Variants in MCAM observed in about 807,000 individuals in gnomAD.
MCAM encodes the protein melanoma cell adhesion molecule, also known as cell surface glycoprotein MUC18.
A neutral mutation model predicts 79.1 loss-of-function variants in MCAM; 55 were observed. That is an observed-to-expected ratio of 0.70 (90% CI 0.56 to 0.87). MCAM has a LOEUF of 0.87. Ranked by LOEUF, MCAM falls within the 40% of genes least tolerant of loss-of-function variation. The probability of loss-of-function intolerance (pLI) is 0.00; values close to 1 mark genes in which losing one functional copy is unlikely to be tolerated. For missense variants in MCAM, 745 were observed against 839.8 expected, an observed-to-expected ratio of 0.89 and a Z score of 1.40; for synonymous variants, 330 against 339.8, an observed-to-expected ratio of 0.97 and a Z score of 0.32.
Position 119,308,800 on chromosome 11 carries a change from C to T in MCAM, c.*1086G>A, listed in dbSNP as rs1016367794. On this transcript the variant is annotated 3_prime_UTR_variant, in exon 16 of 16. Coordinates refer to ENST00000264036, the MANE Select transcript of MCAM (RefSeq NM_006500.3). ...AAGTTTGGTGCTAATATAACCATAG[C>T]TTTAATCCCCATGAAGGACAGTGTA... 6.6e-6 allele frequency: 1 copy of T among 152,052 alleles called. No individual in the cohort carries two copies. The highest frequency in any genetic ancestry group is 2.4e-5 in the African/African-American group (1 of 41,372). 9.4% of individuals were successfully genotyped at this position (152,052 alleles called of 1,614,324 possible). A position where few individuals can be genotyped will look rare whatever the true frequency, so the allele number is the denominator to read the frequency against.
Position 119,310,442 on chromosome 11 carries a change from G to A in MCAM, c.1818C>T (p.Ser606=), listed in dbSNP as rs779569469. ...CTGACTTAACTTCAACTACAAGTTC[G>A]CTCTTACGAGACGGGGGTAGCGTGC... is the stretch of plus-strand genomic sequence containing the variant. The part of the protein sequence containing the change: ...QEITLPPSRK[S]ELVVEVKSDK... The change falls in exon 15 of 16, where the codon AGC becomes AGT. Residue 606 remains serine (S), a synonymous_variant. Coordinates refer to ENST00000264036, the MANE Select transcript of MCAM (RefSeq NM_006500.3). 3.6e-5 allele frequency: 58 copies of A among 1,613,320 alleles called. 1 individual carries two copies. Among genetic ancestry groups the A allele is most frequent in the South Asian group, 1.8e-4 (16 of 91,078 alleles).
Position 119,316,867 on chromosome 11 carries a change from C to T in MCAM, c.67+168G>A. 1.7e-6 allele frequency: 1 copy of T among 571,466 alleles called. No individual in the cohort carries two copies. The highest frequency in any genetic ancestry group is 3.0e-6 in the Non-Finnish European group (1 of 331,496). The allele number at this position is 571,466 out of a possible 1,614,324, so 35.4% of individuals were successfully genotyped here. A position where few individuals can be genotyped will look rare whatever the true frequency, so the allele number is the denominator to read the frequency against. On this transcript the variant is annotated intron_variant, in intron 1 of 15. Transcript: ENST00000264036. The surrounding 1 kb of genome is among the most constrained non-coding windows in gnomAD (Gnocchi z 4.8). ...TAGAATCCCGGCTGCAAACTGGCTG[C>T]AAAGAAGAGTTGCTCGCGCGCAAGG...
At position 119,312,651 on chromosome 11, in the gene MCAM, G is replaced by A; in HGVS notation, c.740-3C>T. On this transcript the variant is annotated splice_polypyrimidine_tract_variant and splice_region_variant and intron_variant, in intron 6 of 15. Coordinates refer to ENST00000264036, the MANE Select transcript of MCAM (RefSeq NM_006500.3). This position sits in a 1 kb window ranked among gnomAD's most constrained non-coding sequence, Gnocchi z 4.9. Reference sequence around the variant, plus strand: ...CAGCCACACTTTTTCTGTCGGGTCTGCATAGGCAAAGGGGGTAGCTCTTGG... The same window carrying A: ...CAGCCACACTTTTTCTGTCGGGTCTACATAGGCAAAGGGGGTAGCTCTTGG... 1 of 1,614,134 alleles carries A rather than the reference G, an allele frequency of 6.2e-7. No homozygotes were observed. The highest frequency in any genetic ancestry group is 8.5e-7 in the Non-Finnish European group (1 of 1,180,036).
At chr11:119,313,413 TTCAGACAGAG>T in intron 5 of MCAM, 7 of 1,012,454 alleles carry the variant, frequency 6.9e-6, no homozygotes, top group Non-Finnish European at 9.0e-6. Context: ...TTTTTTTTTT[TTCAGACAGAG>T]TTTCACTCTT....
rs1335218976 is a variant in MCAM, at chr11:119,311,701, C to G, written c.1286-50G>C. The G allele has an allele frequency of 6.2e-7, 1 of 1,611,956 alleles. No homozygotes were observed. The highest frequency in any genetic ancestry group is 8.5e-7 in the Non-Finnish European group (1 of 1,178,654). ...GTGGCAAGCCCAGCTAGCCTGCCTC[C>G]CCCTCCGCACCAGAGCTCCCCAGGG... On this transcript the variant is annotated intron_variant, in intron 10 of 15. Coordinates refer to ENST00000264036, the MANE Select transcript of MCAM (RefSeq NM_006500.3). This position sits in a 1 kb window ranked among gnomAD's most constrained non-coding sequence, Gnocchi z 4.4.
chr11:119,313,051 C>T, intron 5 of MCAM, 102 bp from the exon 6 acceptor site: 5 of 1,575,460 alleles, frequency 3.2e-6, no homozygotes, highest in Non-Finnish European at 4.3e-6. Context: ...TAAATAGCCC[C>T]CTGTCCCCTG....
intron 5 of MCAM, chr11:119,314,015 A>G (rs1782112088): frequency 1.0e-6 from 1 of 981,810 alleles, no homozygotes. Flanking sequence ...TATTTCTGGG[A>G]GGGGGGGTCT....
At position 119,314,913 on chromosome 11, in the gene MCAM, G is replaced by T. The variant is rs377282179; in HGVS notation, c.320C>A (p.Thr107Asn). ...RGATLALTQVTPQDERIFLCQ... is the reference protein window; with the variant it reads ...RGATLALTQVNPQDERIFLCQ... ...CAAGAAGATGCGCTCGTCTTGGGGG[G>T]TGACTTGAGTCAGGGCCAGAGTAGC... Residue 107 changes from threonine to asparagine, a missense_variant, in exon 3 of 16, where the codon ACC (threonine) becomes AAC (asparagine). By Grantham distance (65) the Thr-to-Asn change is moderately conservative. Transcript: ENST00000264036. 6.2e-7 allele frequency: 1 copy of T among 1,613,178 alleles called. No individual in the cohort carries two copies. The highest frequency in any genetic ancestry group is 2.2e-5 in the East Asian group (1 of 44,894).
At chr11:119,313,387 C>T in intron 5 of MCAM, 1 of 1,140,962 alleles carries the variant, frequency 8.8e-7, no homozygotes, top group Non-Finnish European at 1.1e-6. Flanking sequence ...TTTCTCAGCA[C>T]TACTGATAAT....
Position 119,311,182 on chromosome 11 carries a change from T to A in MCAM, c.1553A>T (p.Asn518Ile). 1.2e-6 allele frequency: 2 copies of A among 1,614,060 alleles called. No homozygotes were observed. The highest frequency in any genetic ancestry group is 1.3e-5 in the African/African-American group (1 of 75,024). ...GGAGTCTGGTGTGAGGGTGGTTAAA[T>A]TGACTAGGAGGCAGAGGGAGGGGTG... is the stretch of plus-strand genomic sequence containing the variant. ...NTSILFLELV[N>I]LTTLTPDSNT... Residue 518 changes from asparagine to isoleucine, a missense_variant, in exon 13 of 16, where the codon AAT becomes ATT. Asn to Ile is a moderately radical substitution (Grantham distance 149, BLOSUM62 -3). Transcript: ENST00000264036. This position sits in a 1 kb window ranked among gnomAD's most constrained non-coding sequence, Gnocchi z 4.4.
In MCAM at chr11:119,315,262, A is replaced by C. The variant is rs755502153; in HGVS notation, c.69T>G (p.Gly23=). The C allele has an allele frequency of 6.2e-7, 1 of 1,608,406 alleles. No homozygotes were observed. Among genetic ancestry groups the C allele is most frequent in the Non-Finnish European group, 8.5e-7 (1 of 1,179,304 alleles). The part of the protein sequence containing the change: ...AACCCCPRVA[G]VPGEAEQPAP... ...CAGGCTGCTCAGCCTCTCCGGGCACACCTGGGGGAGGGAGGCGGGGCCCCC... is the reference window on the plus strand; with the variant it reads ...CAGGCTGCTCAGCCTCTCCGGGCACCCCTGGGGGAGGGAGGCGGGGCCCCC... Residue 23 remains glycine (G), a splice_region_variant and synonymous_variant, in exon 2 of 16, where the codon GGT becomes GGG. Coordinates refer to ENST00000264036, the MANE Select transcript of MCAM (RefSeq NM_006500.3). The surrounding 1 kb of genome is among the most constrained non-coding windows in gnomAD (Gnocchi z 4.4).
At chr11:119,313,885 G>A (rs1286483505) in intron 5 of MCAM, 1 of 880,030 alleles carries the variant, frequency 1.1e-6, no homozygotes, top group African/African-American at 1.8e-5. Flanking sequence ...AATCACCCCT[G>A]GTTAAGAATG....
intron 15 of MCAM, 160 bp from the exon 16 acceptor site, chr11:119,310,075 G>A (rs1001809075): frequency 2.9e-5 from 20 of 681,064 alleles, no homozygotes; most frequent in Admixed American, 1.2e-4. Context: ...GAAGGAGGGC[G>A]GCCCCCGTCT....
chr11:119,310,374 C>G lies in MCAM; in HGVS notation c.1886G>C (p.Gly629Ala). 2 of 1,613,874 alleles carry G rather than the reference C, an allele frequency of 1.2e-6. No homozygotes were observed. The highest frequency in any genetic ancestry group is 1.7e-6 in the Non-Finnish European group (2 of 1,179,846). The change falls in exon 15 of 16, where the codon GGT becomes GCT. Residue 629 changes from glycine to alanine, a missense_variant. Transcript: ENST00000264036. ...CTGGTCTCCCGGAGCCCTCTTGTCACCGCTGCTGCCCTGCAGGAGGCCCAT... is the reference window on the plus strand; with the variant it reads ...CTGGTCTCCCGGAGCCCTCTTGTCAGCGCTGCTGCCCTGCAGGAGGCCCAT... Reference protein sequence around the residue: ...EEMGLLQGSSGDKRAPGDQGE... With the variant: ...EEMGLLQGSSADKRAPGDQGE...
In MCAM at chr11:119,311,142, G is replaced by A. The variant is rs567055457; in HGVS notation, c.1593C>T (p.Gly531=). The A allele has an allele frequency of 1.1e-5, 18 of 1,614,222 alleles. 1 individual carries two copies. In the South Asian group the frequency reaches 2.0e-4, roughly 18 times the overall value. ...GAGGACTGGCAGTGGAAGTGCTGAG[G>A]CCAGTGGTTGTGTTGGAGTCTGGTG... The part of the protein sequence containing the change: ...TLTPDSNTTT[G]LSTSTASPHT... Residue 531 remains glycine, a synonymous_variant, in exon 13 of 16, where the codon GGC becomes GGT. Transcript: ENST00000264036. The surrounding 1 kb of genome is among the most constrained non-coding windows in gnomAD (Gnocchi z 4.4).
rs1655720241 is a variant in MCAM, at chr11:119,308,903, AC to A, written c.*982del. The A allele has an allele frequency of 6.6e-6, 1 of 152,218 alleles. No individual in the cohort carries two copies. The highest frequency in any genetic ancestry group is 6.5e-5 in the Admixed American group (1 of 15,290). 9.4% of individuals were successfully genotyped at this position (152,218 alleles called of 1,614,324 possible). A position where few individuals can be genotyped will look rare whatever the true frequency, so the allele number is the denominator to read the frequency against. On this transcript the variant is annotated 3_prime_UTR_variant, in exon 16 of 16. Coordinates refer to ENST00000264036, the MANE Select transcript of MCAM (RefSeq NM_006500.3). ...AGAGGGCTATGGGAGCCAAGTGAAC[AC>A]GGGGGATTGAGGCTAATTCACCTGA... is the stretch of plus-strand genomic sequence containing the variant.
Position 119,316,949 on chromosome 11 carries a change from A to C in MCAM, c.67+86T>G, listed in dbSNP as rs1591289514. On this transcript the variant is annotated intron_variant, in intron 1 of 15. Transcript: ENST00000264036. The surrounding 1 kb of genome is among the most constrained non-coding windows in gnomAD (Gnocchi z 4.8). ...TCGTCCTCCCAGACGCAACGCCCCG[A>C]CCCCGCCGCGCCGCTGGCTCTGCTC... 1 of 1,231,844 alleles carries C rather than the reference A, an allele frequency of 8.1e-7. No homozygotes were observed. The highest frequency in any genetic ancestry group is 1.4e-5 in the South Asian group (1 of 72,442). The allele number at this position is 1,231,844 out of a possible 1,614,324, so 76.3% of individuals were successfully genotyped here. A position where few individuals can be genotyped will look rare whatever the true frequency, so the allele number is the denominator to read the frequency against.
rs1950253133 is a variant in MCAM at position 119,312,705 on chromosome 11, G to C, written c.740-57C>G. The C allele has an allele frequency of 1.2e-6, 2 of 1,613,542 alleles. No homozygotes were observed. The highest frequency in any genetic ancestry group is 1.3e-5 in the African/African-American group (1 of 74,884). On this transcript the variant is annotated intron_variant, in intron 6 of 15. Coordinates refer to ENST00000264036, the MANE Select transcript of MCAM (RefSeq NM_006500.3). The surrounding 1 kb of genome is among the most constrained non-coding windows in gnomAD (Gnocchi z 4.9). ...ATGAGTCAACCCTGGGCTGGATAAG[G>C]GGGAGCCAGCAGGAGTTTCCAGCAG...
rs1351019652 is a variant in MCAM at position 119,311,783 on chromosome 11, TCTCTA to T, written c.1285+20_1285+24del. ...AACCACCCCACTTGGGGTGACCTGG[TCTCTA>T]CCCAGAGGGAGGGCCTCACCAAAAA... is the stretch of plus-strand genomic sequence containing the variant. On this transcript the variant is annotated intron_variant, in intron 10 of 15. Transcript: ENST00000264036. This position sits in a 1 kb window ranked among gnomAD's most constrained non-coding sequence, Gnocchi z 4.4. The T allele has an allele frequency of 4.3e-6, 7 of 1,613,274 alleles. No individual in the cohort carries two copies. In the South Asian group the frequency reaches 7.7e-5, roughly 18 times the overall value.
Sources: gnomAD v4.1 joint callset for allele counts on GRCh38, gnomAD v4.1.1 for gene constraint, Gnocchi (gnomAD v3.1) non-coding constraint, MANE v1.5 for transcripts, NCBI Gene and HGNC (gene_info 2026-07-23, HGNC 2026-07-21) for gene names.